GALNT2: variants seen among roughly 807,000 people sequenced by gnomAD.
The protein encoded by GALNT2 is polypeptide N-acetylgalactosaminyltransferase 2.
A neutral mutation model predicts 81.4 loss-of-function variants in GALNT2; 31 were observed. The observed-to-expected ratio is 0.38, with a 90% CI of 0.29 to 0.51. The LOEUF (loss-of-function observed/expected upper bound fraction) is 0.51, where lower values mean the gene tolerates loss of function less well. Ranked by LOEUF, GALNT2 falls within the 20% of genes least tolerant of loss-of-function variation. The probability of loss-of-function intolerance (pLI) is 0.87; values close to 1 mark genes in which losing one functional copy is unlikely to be tolerated. For missense variants in GALNT2, 629 were observed against 765.7 expected (o/e 0.82, Z 2.11); for synonymous variants, 303 against 287.4 (o/e 1.05, Z -0.55).
intron 11 of GALNT2, among the ~76,000 whole-genome samples, chr1:230,260,762 A>G (rs1312152770): frequency 6.6e-6 from 1 of 152,184 alleles, no homozygotes; most frequent in African/African-American, 2.4e-5. Flanking sequence ...TTAAGTACTC[A>G]TTGTTGTATC....
At chr1:230,224,658 G>A (rs562561496) in intron 3 of GALNT2, among the ~76,000 whole-genome samples, 90 of 152,368 alleles carry the variant, frequency 5.9e-4, no homozygotes, top group African/African-American at 1.7e-3. Context: ...ATTCTGGGCA[G>A]CATTTTCTGT....
At chr1:230,262,893 TA>T in intron 12 of GALNT2, 28 bp from the exon 13 acceptor site, 3 of 1,598,634 alleles carry the variant, frequency 1.9e-6, no homozygotes, top group Non-Finnish European at 2.6e-6. Context: ...TTAAAATTTA[TA>T]AAGGAATCTT....
At chr1:230,215,335 T>G (rs1664356719) in intron 3 of GALNT2, among the ~76,000 whole-genome samples, 1 of 152,230 alleles carries the variant, frequency 6.6e-6, no homozygotes, top group Non-Finnish European at 1.5e-5. Flanking sequence ...TCTATGCCGT[T>G]TGAGGGGAAG....
chr1:230,086,938 T>C (rs1659915739), intron 1 of GALNT2, among the ~76,000 whole-genome samples: 1 of 152,176 alleles, frequency 6.6e-6, no homozygotes. Flanking sequence ...GTTACTCCTC[T>C]ACGAGATGGA....
rs767234023 is a variant in GALNT2, at chr1:230,274,581, C to T, written c.1560+17C>T. The T allele has an allele frequency of 4.3e-6, 7 of 1,612,956 alleles. No individual in the cohort carries two copies. The highest frequency in any genetic ancestry group is 5.9e-6 in the Non-Finnish European group (7 of 1,179,608). On this transcript the variant is annotated intron_variant, in intron 15 of 15. Coordinates refer to ENST00000366672, the MANE Select transcript of GALNT2 (RefSeq NM_004481.5). ...AGCAGACAGGTACGGCTTGCAGGCA[C>T]CCGTGGGTGCCCGTGATTAACCCAG...
In GALNT2 at chr1:230,281,609, C is replaced by G. The variant is rs1009654332; in HGVS notation, c.*2151C>G. Reference sequence around the variant, plus strand: ...CCCCGCCCGCACCCCTAGGCCCTCTCAGCCTTCCTATCATCCCACGTGTCT... The same window carrying G: ...CCCCGCCCGCACCCCTAGGCCCTCTGAGCCTTCCTATCATCCCACGTGTCT... On this transcript the variant is annotated 3_prime_UTR_variant, in exon 16 of 16. Coordinates refer to ENST00000366672, the MANE Select transcript of GALNT2 (RefSeq NM_004481.5). The G allele has an allele frequency of 6.5e-6, 1 of 152,734 alleles. No individual in the cohort carries two copies. Among genetic ancestry groups the G allele is most frequent in the Non-Finnish European group, 1.5e-5 (1 of 68,110 alleles). 9.5% of individuals were successfully genotyped at this position (152,734 alleles called of 1,614,324 possible).
At chr1:230,092,188 T>TTTTTTTTTTGTTG (rs1660111203) in intron 1 of GALNT2, among the ~76,000 whole-genome samples, 1 of 148,786 alleles carries the variant, frequency 6.7e-6, no homozygotes, top group Non-Finnish European at 1.5e-5. Flanking sequence ...TTTTTTTTTT[T>TTTTTTTTTTGTTG]TTTTTTTTGC....
At chr1:230,109,397 C>G (rs529268580) in intron 1 of GALNT2, among the ~76,000 whole-genome samples, 53 of 152,268 alleles carry the variant, frequency 3.5e-4, no homozygotes, top group African/African-American at 1.3e-3. Flanking sequence ...ACTAGTGCCA[C>G]AAAGGCAGCC....
At chr1:230,256,432 C>T (rs1268100861) in intron 11 of GALNT2, among the ~76,000 whole-genome samples, 2 of 139,946 alleles carry the variant, frequency 1.4e-5, no homozygotes, top group African/African-American at 2.7e-5. Flanking sequence ...GGCAACAGAG[C>T]GAGACTCTGT....
chr1:230,069,362 A>G (rs565289460), intron 1 of GALNT2, among the ~76,000 whole-genome samples: 1 of 152,234 alleles, frequency 6.6e-6, no homozygotes, highest in African/African-American at 2.4e-5. Flanking sequence ...GGGGGAAATG[A>G]ACAATTAATT....
chr1:230,228,230 CA>C (rs1178185740), intron 3 of GALNT2, among the ~76,000 whole-genome samples: 1 of 152,136 alleles, frequency 6.6e-6, no homozygotes, highest in Non-Finnish European at 1.5e-5. Context: ...TAATTTCCTT[CA>C]AATTAACTCA....
intron 2 of GALNT2, among the ~76,000 whole-genome samples, chr1:230,183,180 A>G (rs1663214381): frequency 6.6e-6 from 1 of 152,132 alleles, no homozygotes; most frequent in Non-Finnish European, 1.5e-5. Flanking sequence ...TTTATAGTGG[A>G]TTTGTTGTAG....
intron 3 of GALNT2, among the ~76,000 whole-genome samples, chr1:230,226,756 T>C (rs1450269312): frequency 2.0e-5 from 3 of 152,358 alleles, no homozygotes; most frequent in East Asian, 3.9e-4. Context: ...ACCCATCTCA[T>C]GGTTGAGAAA....
chr1:230,273,091 A>T (rs1666196255), intron 14 of GALNT2, among the ~76,000 whole-genome samples: 1 of 152,108 alleles, frequency 6.6e-6, no homozygotes, highest in Non-Finnish European at 1.5e-5. Context: ...TCACCTTTTA[A>T]TGTTTTTCTA....
intron 1 of GALNT2, among the ~76,000 whole-genome samples, chr1:230,172,422 C>G (rs1662823810): frequency 6.6e-6 from 1 of 152,198 alleles, no homozygotes; most frequent in African/African-American, 2.4e-5. Context: ...AAATCGTGGG[C>G]CAGAACCATT....
intron 6 of GALNT2, among the ~76,000 whole-genome samples, chr1:230,241,643 C>A (rs1199131758): frequency 1.3e-5 from 2 of 151,782 alleles, no homozygotes; most frequent in African/African-American, 2.4e-5. Context: ...AAACGGGTTT[C>A]ACCATGTTAG....
chr1:230,138,261 G>A (rs561730322), intron 1 of GALNT2, among the ~76,000 whole-genome samples: 29 of 152,130 alleles, frequency 1.9e-4, no homozygotes, highest in Admixed American at 5.2e-4. Flanking sequence ...GTGGCTCAGA[G>A]CGCCTGTATT....
intron 1 of GALNT2, among the ~76,000 whole-genome samples, chr1:230,106,269 G>A (rs1226392261): frequency 6.6e-6 from 1 of 152,182 alleles, no homozygotes; most frequent in Non-Finnish European, 1.5e-5. Context: ...ATGGAGGATG[G>A]CATGCAATTG....
intron 1 of GALNT2, among the ~76,000 whole-genome samples, chr1:230,080,596 C>T (rs113203693): frequency 6.6e-6 from 1 of 152,100 alleles, no homozygotes; most frequent in Non-Finnish European, 1.5e-5. Flanking sequence ...GAGGCTTGTG[C>T]ATGGGAGCTC....
Sources: gnomAD v4.1 joint callset for allele counts (sites outside exome capture counted in the v4.1 genomes callset) on GRCh38, gnomAD v4.1.1 for gene constraint, MANE v1.5 for transcripts, NCBI Gene and HGNC (gene_info 2026-07-23, HGNC 2026-07-21) for gene names.